PARD3B: variants seen among roughly 807,000 people sequenced by gnomAD.
PARD3B encodes the protein par-3 family cell polarity regulator beta.
PARD3B carries 103 observed loss-of-function variants against 130.2 expected under a neutral mutation model. The observed-to-expected ratio is 0.79, with a 90% CI of 0.67 to 0.93. The LOEUF (loss-of-function observed/expected upper bound fraction) is 0.93, where lower values mean the gene tolerates loss of function less well. Among genes scored for constraint, PARD3B ranks in the 40% least tolerant of loss-of-function variants. The pLI is 0.00. For synonymous variants in PARD3B, 583 were observed against 553.2 expected (o/e 1.05, Z -0.76); for missense variants, 1,609 against 1,499.2 (o/e 1.07, Z -1.21).
chr2:204,931,478 A>G (rs1219130509), intron 2 of PARD3B, among the ~76,000 whole-genome samples: 3 of 152,228 alleles, frequency 2.0e-5, no homozygotes, highest in South Asian at 2.1e-4. Flanking sequence ...TTAAAATAAT[A>G]TACCAACATG....
intron 4 of PARD3B, among the ~76,000 whole-genome samples, chr2:205,101,626 C>T (rs1266833144): frequency 6.6e-6 from 1 of 152,168 alleles, no homozygotes; most frequent in African/African-American, 2.4e-5. Flanking sequence ...GTGGAAACAA[C>T]CCAAATGCTC....
rs2054126944 is a variant in PARD3B at position 205,584,618 on chromosome 2, C to T, written c.3261-30838C>T. Among the ~76,000 whole-genome samples, 1 of 152,116 alleles carries T rather than the reference C, an allele frequency of 6.6e-6. No individual in the cohort carries two copies. The highest frequency in any genetic ancestry group is 1.5e-5 in the Non-Finnish European group (1 of 68,018). ...GCTTGAACCCGGGAGGCAGAGGTTG[C>T]AGTGAGCCAAGATTGCACCACTGCA... is the stretch of plus-strand genomic sequence containing the variant. On this transcript the variant is annotated intron_variant, in intron 22 of 22. Transcript: ENST00000406610. The surrounding 1 kb of genome is among the most constrained non-coding windows in gnomAD (Gnocchi z 5.5).
chr2:204,557,028 G>T (rs2030974084), intron 1 of PARD3B, among the ~76,000 whole-genome samples: 1 of 150,144 alleles, frequency 6.7e-6, no homozygotes, highest in South Asian at 2.1e-4. Context: ...TTGAGACAGA[G>T]TCTCACCCAG....
chr2:204,715,491 T>C lies in PARD3B; in HGVS notation c.222+29209T>C, dbSNP rs542060961. ...AAAGCAGATGCTGTTTTTCTTTTTT[T>C]TTTTTTTTCTGCTGCTGTTGACTAT... On this transcript the variant is annotated intron_variant, in intron 2 of 22. Transcript: ENST00000406610. Among the ~76,000 whole-genome samples, 450 of 152,058 alleles carry C rather than the reference T, an allele frequency of 3.0e-3. 1 individual carries two copies. The highest frequency in any genetic ancestry group is 9.6e-3 in the African/African-American group (399 of 41,466).
Position 205,558,045 on chromosome 2 carries a change from A to G in PARD3B, c.3260+4642A>G, listed in dbSNP as rs534763876. On this transcript the variant is annotated intron_variant, in intron 22 of 22. Coordinates refer to ENST00000406610, the MANE Select transcript of PARD3B (RefSeq NM_001302769.2). This position sits in a 1 kb window ranked among gnomAD's most constrained non-coding sequence, Gnocchi z 4.8. ...AGGATTCGCCGACTCAGGAAAGACCAGTGGTCTGGATGGTCAAGTGCAAGA... is the reference window on the plus strand; with the variant it reads ...AGGATTCGCCGACTCAGGAAAGACCGGTGGTCTGGATGGTCAAGTGCAAGA... Among the ~76,000 whole-genome samples the G allele has an allele frequency of 1.3e-5, 2 of 152,324 alleles. No homozygotes were observed. The highest frequency in any genetic ancestry group is 4.8e-5 in the African/African-American group (2 of 41,582).
chr2:204,739,518 A>C (rs946211968), intron 2 of PARD3B, among the ~76,000 whole-genome samples: 5 of 152,064 alleles, frequency 3.3e-5, no homozygotes, highest in African/African-American at 1.2e-4. Flanking sequence ...GCAGTGGTAC[A>C]ATCATAGCTC....
intron 22 of PARD3B, among the ~76,000 whole-genome samples, chr2:205,565,911 A>C (rs2053311912): frequency 7.6e-6 from 1 of 131,038 alleles, no homozygotes; most frequent in Non-Finnish European, 1.6e-5. Context: ...TGCCCATTAC[A>C]AAAAAAAAAA....
rs547471146 is a variant in PARD3B at position 205,241,505 on chromosome 2, A to G, written c.2141-4273A>G. ...TTGTAATATCCATTTACGATAATCA[A>G]GAGCAAGTAGTACCAGTCCTTGGGT... On this transcript the variant is annotated intron_variant, in intron 15 of 22. Transcript: ENST00000406610. This position sits in a 1 kb window ranked among gnomAD's most constrained non-coding sequence, Gnocchi z 4.2. 6.6e-6 allele frequency among the ~76,000 whole-genome samples: 1 copy of G among 152,226 alleles called. No individual in the cohort carries two copies. Among genetic ancestry groups the G allele is most frequent in the Non-Finnish European group, 1.5e-5 (1 of 68,020 alleles).
At chr2:205,092,534 A>G (rs1482822047) in intron 4 of PARD3B, among the ~76,000 whole-genome samples, 1 of 152,220 alleles carries the variant, frequency 6.6e-6, no homozygotes, top group African/African-American at 2.4e-5. Context: ...TGATGCACCA[A>G]TGAAGGCTAA....
At chr2:204,881,339 A>T (rs1223495916) in intron 2 of PARD3B, among the ~76,000 whole-genome samples, 1 of 147,834 alleles carries the variant, frequency 6.8e-6, no homozygotes, top group African/African-American at 2.5e-5. Flanking sequence ...AATACAGAGT[A>T]TATCAACAAA....
At chr2:205,343,702 G>A (rs2043632357) in intron 18 of PARD3B, among the ~76,000 whole-genome samples, 2 of 152,240 alleles carry the variant, frequency 1.3e-5, no homozygotes, top group Non-Finnish European at 2.9e-5. Context: ...TCACAGCTGT[G>A]GAGAACAGCG....
chr2:205,498,016 A>AACACACACACACAC (rs57531393), intron 20 of PARD3B, among the ~76,000 whole-genome samples: 14,662 of 141,816 alleles, frequency 0.1, 962 homozygotes, highest in African/African-American at 0.18. Context: ...GTCTCTACTA[A>AACACACACACACAC]ACACACACAC....
At chr2:205,392,703 T>C (rs933070028) in intron 18 of PARD3B, among the ~76,000 whole-genome samples, 3 of 152,174 alleles carry the variant, frequency 2.0e-5, no homozygotes, top group Non-Finnish European at 2.9e-5. Flanking sequence ...CAAATCCCTA[T>C]CTACTTTTGC....
chr2:205,341,965 G>A lies in PARD3B; in HGVS notation c.2630+40264G>A, dbSNP rs751720998. ...GGGACCACTGTCATATATGTATGTG[G>A]TCCCTAGTTAATCAAAACAGCATTG... On this transcript the variant is annotated intron_variant, in intron 18 of 22. Transcript: ENST00000406610. This position sits in a 1 kb window ranked among gnomAD's most constrained non-coding sequence, Gnocchi z 4.3. Among the ~76,000 whole-genome samples the A allele has an allele frequency of 5.2e-4, 79 of 151,996 alleles. No individual in the cohort carries two copies. Among genetic ancestry groups the A allele is most frequent in the Non-Finnish European group, 4.4e-4 (30 of 67,964 alleles).
At chr2:204,629,334 C>A (rs147328525) in intron 1 of PARD3B, among the ~76,000 whole-genome samples, 1 of 152,170 alleles carries the variant, frequency 6.6e-6, no homozygotes, top group Non-Finnish European at 1.5e-5. Flanking sequence ...ACATACCGTG[C>A]TCCTGCAGTG....
chr2:204,599,523 C>T (rs912014913), intron 1 of PARD3B, among the ~76,000 whole-genome samples: 2 of 151,892 alleles, frequency 1.3e-5, no homozygotes, highest in African/African-American at 4.8e-5. Flanking sequence ...AGGATTTTAT[C>T]CTTTTTTATG....
At chr2:204,931,433 G>A (rs1192162604) in intron 2 of PARD3B, among the ~76,000 whole-genome samples, 2 of 151,850 alleles carry the variant, frequency 1.3e-5, no homozygotes, top group Non-Finnish European at 2.9e-5. Context: ...ATTCTTTTTG[G>A]GGTTTGGAGA....
chr2:204,739,174 A>G (rs1043238119), intron 2 of PARD3B, among the ~76,000 whole-genome samples: 22 of 152,168 alleles, frequency 1.4e-4, no homozygotes, highest in Admixed American at 1.4e-3. Flanking sequence ...GTACCTCAGC[A>G]TCTGTCAACT....
In PARD3B at chr2:205,564,747, G is replaced by A. The variant is rs756212147; in HGVS notation, c.3260+11344G>A. On this transcript the variant is annotated intron_variant, in intron 22 of 22. Coordinates refer to ENST00000406610, the MANE Select transcript of PARD3B (RefSeq NM_001302769.2). This position sits in a 1 kb window ranked among gnomAD's most constrained non-coding sequence, Gnocchi z 4.6. ...CATGTGACACAGGCCCCACGACCTC[G>A]ATCATTCTGCCAAGAAACACCTTGG... 2.0e-5 allele frequency among the ~76,000 whole-genome samples: 3 copies of A among 152,304 alleles called. No individual in the cohort carries two copies. Among genetic ancestry groups the A allele is most frequent in the South Asian group, 2.1e-4 (1 of 4,822 alleles).
Sources: gnomAD v4.1 joint callset for allele counts (sites outside exome capture counted in the v4.1 genomes callset) on GRCh38, gnomAD v4.1.1 for gene constraint, Gnocchi (gnomAD v3.1) non-coding constraint, MANE v1.5 for transcripts, NCBI Gene and HGNC (gene_info 2026-07-23, HGNC 2026-07-21) for gene names.